ACTR3C: variants seen among roughly 807,000 people sequenced by gnomAD.
ACTR3C encodes actin-related protein 3C.
ACTR3C carries 18 observed loss-of-function variants against 26.3 expected under a neutral mutation model. That is an observed-to-expected ratio of 0.68 (90% CI 0.47 to 1.01). ACTR3C has a LOEUF of 1.01. Ranked by LOEUF, ACTR3C falls within the 50% of genes least tolerant of loss-of-function variation. The pLI is 0.00. For synonymous variants in ACTR3C, 55 were observed against 94.5 expected (o/e 0.58, Z 2.42); for missense variants, 184 against 250.7 (o/e 0.73, Z 1.80).
chr7:150,112,891 G>A, the ACTR3C span, among the ~76,000 whole-genome samples: 1 of 152,092 alleles, frequency 6.6e-6, no homozygotes, highest in African/African-American at 2.4e-5. Flanking sequence ...ATTCCATACT[G>A]GCCGGCGACA....
the ACTR3C span, among the ~76,000 whole-genome samples, chr7:150,035,804 G>C: frequency 7.3e-6 from 1 of 136,114 alleles, no homozygotes; most frequent in Non-Finnish European, 1.7e-5. Context: ...GGGGGAACCA[G>C]GGACTGGCTC....
the ACTR3C span, among the ~76,000 whole-genome samples, chr7:150,067,325 A>G: frequency 2.5e-4 from 38 of 152,248 alleles, no homozygotes; most frequent in African/African-American, 8.0e-4. Context: ...CCAGAGTTCA[A>G]TGCCAGTGCA....
chr7:150,087,179 G>GT, the ACTR3C span, among the ~76,000 whole-genome samples: 1 of 94,250 alleles, frequency 1.1e-5, no homozygotes, highest in Non-Finnish European at 2.0e-5. Flanking sequence ...ACCTGAATTT[G>GT]TTTAAAAAAA....
At chr7:150,227,696 T>G in the ACTR3C span, among the ~76,000 whole-genome samples, 5 of 138,028 alleles carry the variant, frequency 3.6e-5, no homozygotes, top group East Asian at 6.2e-4. Flanking sequence ...GGGTTTTTTT[T>G]TTTTGTTTTT....
At chr7:150,076,374 A>G in the ACTR3C span, among the ~76,000 whole-genome samples, 1 of 152,198 alleles carries the variant, frequency 6.6e-6, no homozygotes, top group Admixed American at 6.5e-5. Context: ...GATGCTTATG[A>G]TGCTCACATA....
chr7:150,164,139 G>A, the ACTR3C span, among the ~76,000 whole-genome samples: 1 of 152,114 alleles, frequency 6.6e-6, no homozygotes, highest in Non-Finnish European at 1.5e-5. Flanking sequence ...GGTTACCAGG[G>A]CCTTGTGAGC....
At chr7:150,041,448 C>T in the ACTR3C span, 1 of 164,516 alleles carries the variant, frequency 6.1e-6, no homozygotes, top group Non-Finnish European at 1.2e-5. Flanking sequence ...CACCTAAAAC[C>T]CACAGTCCTC....
the ACTR3C span, among the ~76,000 whole-genome samples, chr7:150,083,785 C>T: frequency 4.1e-4 from 62 of 152,312 alleles, no homozygotes; most frequent in Non-Finnish European, 2.1e-4. Context: ...TCCACTTTCT[C>T]CCTCCATACT....
chr7:150,107,772 C>A, the ACTR3C span, among the ~76,000 whole-genome samples: 1 of 151,130 alleles, frequency 6.6e-6, no homozygotes, highest in Non-Finnish European at 1.5e-5. Context: ...AGGTATGGGA[C>A]CTGTATTTTA....
At chr7:149,954,342 A>AG in the ACTR3C span, among the ~76,000 whole-genome samples, 8 of 152,210 alleles carry the variant, frequency 5.3e-5, no homozygotes, top group African/African-American at 1.9e-4. Flanking sequence ...TAAAGATAGG[A>AG]TGCAATGAAT....
chr7:150,005,113 G>T, the ACTR3C span: 4 of 152,184 alleles, frequency 2.6e-5, no homozygotes, highest in Non-Finnish European at 5.9e-5. Context: ...TAAAGTAAAT[G>T]GAGCAAAATG....
chr7:149,903,709 T>C, the ACTR3C span, among the ~76,000 whole-genome samples: 352 of 150,746 alleles, frequency 2.3e-3, no homozygotes, highest in African/African-American at 8.2e-3. Flanking sequence ...ACGTAGCTAA[T>C]TTATTTTTAT....
At chr7:150,113,245 C>CAAA in the ACTR3C span, among the ~76,000 whole-genome samples, 441 of 122,534 alleles carry the variant, frequency 3.6e-3, 3 homozygotes, top group African/African-American at 0.013. Context: ...TTTCTGAGGG[C>CAAA]AAAAAAAAAA....
chr7:150,035,835 G>C, the ACTR3C span, among the ~76,000 whole-genome samples: 2 of 128,522 alleles, frequency 1.6e-5, no homozygotes, highest in East Asian at 2.2e-4. Flanking sequence ...CCTTGCGGGG[G>C]TTGCCTCTCC....
chr7:150,181,127 G>T, the ACTR3C span, among the ~76,000 whole-genome samples: 8 of 150,754 alleles, frequency 5.3e-5, 1 homozygote, highest in African/African-American at 1.5e-4. Flanking sequence ...TATTAGTCAC[G>T]GTCTAAGTCA....
chr7:150,198,877 C>T, the ACTR3C span, among the ~76,000 whole-genome samples: 1 of 147,610 alleles, frequency 6.8e-6, no homozygotes, highest in Non-Finnish European at 1.5e-5. Flanking sequence ...GCCGCCCCTG[C>T]TGGGAAGTGA....
At chr7:150,013,524 A>T in the ACTR3C span, among the ~76,000 whole-genome samples, 1 of 152,154 alleles carries the variant, frequency 6.6e-6, no homozygotes, top group Non-Finnish European at 1.5e-5. Flanking sequence ...GCACCAAGAG[A>T]TTGGAGCCTG....
At chr7:150,162,144 G>A in the ACTR3C span, among the ~76,000 whole-genome samples, 1 of 152,030 alleles carries the variant, frequency 6.6e-6, no homozygotes, top group African/African-American at 2.4e-5. Flanking sequence ...TATCAATTTT[G>A]TTAATAAGCT....
chr7:150,210,239 G>A, the ACTR3C span, among the ~76,000 whole-genome samples: 5,587 of 145,722 alleles, frequency 0.038, 347 homozygotes, highest in African/African-American at 0.15. Context: ...GCAAGGATTT[G>A]GGGGAACCGG....
Sources: allele counts gnomAD v4.1 joint callset (sites outside exome capture counted in the v4.1 genomes callset), GRCh38; gene constraint gnomAD v4.1.1; transcripts MANE v1.5; gene names NCBI Gene and HGNC (gene_info 2026-07-23, HGNC 2026-07-21).